The following ZNF555 variants were observed in gnomAD, a reference collection of about 807,000 sequenced individuals.
ZNF555 encodes zinc finger protein 555.
In ZNF555, 10 loss-of-function variants were observed where a neutral mutation model predicts 14.0. The observed-to-expected ratio is 0.72, with a 90% CI of 0.44 to 1.21. ZNF555 has a LOEUF of 1.21. Among genes scored for constraint, ZNF555 ranks in the 50% most tolerant of loss-of-function variants. The pLI, the probability that ZNF555 is intolerant of heterozygous loss-of-function variation, is 0.00. For missense variants in ZNF555, 747 were observed against 762.0 expected (o/e 0.98, Z 0.23); for synonymous variants, 277 against 262.4 (o/e 1.06, Z -0.54).
At position 2,852,995 on chromosome 19, in the gene ZNF555, G is replaced by A; in HGVS notation, c.930G>A (p.Lys310=). 6.2e-7 allele frequency: 1 copy of A among 1,613,818 alleles called. No individual in the cohort carries two copies. The change falls in exon 4 of 4, where the codon AAG becomes AAA. Residue 310 remains lysine (K), a synonymous_variant. Coordinates refer to ENST00000334241, the MANE Select transcript of ZNF555 (RefSeq NM_152791.5). ...ATATGATTTCACACACTGGAGAGAA[G>A]CCACATAAATGTAAAGAATGTGGGG... ...RRHMISHTGE[K]PHKCKECGEA...
At chr19:2,845,399 T>C (rs890883534) in intron 1 of ZNF555, among the ~76,000 whole-genome samples, 1 of 152,224 alleles carries the variant, frequency 6.6e-6, no homozygotes, top group Non-Finnish European at 1.5e-5. Context: ...GTCTTTGCTA[T>C]TGTGAATGCT....
At position 2,854,056 on chromosome 19, in the gene ZNF555, C is replaced by G; in HGVS notation, c.*104C>G. On this transcript the variant is annotated 3_prime_UTR_variant, in exon 4 of 4. Transcript: ENST00000334241. The stretch of plus-strand genomic sequence containing the variant: ...TCTCCAAATACTCTCAGCTATCCTA[C>G]ATGAATTTGAACAGGTAGTTTCTTA... The G allele has an allele frequency of 7.1e-7, 1 of 1,413,822 alleles. No homozygotes were observed. Among genetic ancestry groups the G allele is most frequent in the South Asian group, 1.3e-5 (1 of 74,082 alleles). 87.6% of individuals were successfully genotyped at this position (1,413,822 alleles called of 1,614,324 possible).
Position 2,858,498 on chromosome 19 carries a change from T to C in ZNF555, c.*4546T>C, listed in dbSNP as rs1266049311. 6.6e-6 allele frequency: 1 copy of C among 152,186 alleles called. No homozygotes were observed. Among genetic ancestry groups the C allele is most frequent in the Non-Finnish European group, 1.5e-5 (1 of 68,024 alleles). 9.4% of individuals were successfully genotyped at this position (152,186 alleles called of 1,614,324 possible). On this transcript the variant is annotated 3_prime_UTR_variant, in exon 4 of 4. Transcript: ENST00000334241. ...TGCCTGGGAGCATCCTGATCCTGTCTTCAGACAAGGGGCATCCGCATCTTG... is the reference window on the plus strand; with the variant it reads ...TGCCTGGGAGCATCCTGATCCTGTCCTCAGACAAGGGGCATCCGCATCTTG...
intron 1 of ZNF555, among the ~76,000 whole-genome samples, chr19:2,848,201 G>T (rs960447765): frequency 2.0e-5 from 3 of 151,514 alleles, no homozygotes; most frequent in Admixed American, 6.6e-5. Flanking sequence ...GCCCAGGCTG[G>T]AGTGCAGTGG....
chr19:2,844,921 C>G (rs568681888), intron 1 of ZNF555, among the ~76,000 whole-genome samples: 3 of 152,300 alleles, frequency 2.0e-5, no homozygotes, highest in African/African-American at 7.2e-5. Flanking sequence ...GGCTCCTGGA[C>G]TTAGCCAGGT....
intron 1 of ZNF555, among the ~76,000 whole-genome samples, chr19:2,842,765 G>T (rs1435405664): frequency 5.9e-5 from 9 of 152,170 alleles, no homozygotes; most frequent in Admixed American, 5.9e-4. Flanking sequence ...TTTCCAGGCC[G>T]GGCGCGGTGG....
chr19:2,844,096 TTC>T (rs1568341441), intron 1 of ZNF555, among the ~76,000 whole-genome samples: 3 of 137,180 alleles, frequency 2.2e-5, no homozygotes, highest in African/African-American at 2.8e-5. Flanking sequence ...TCTCTCTCTT[TTC>T]TTTTTTTTTT....
rs1411984431 is a variant in ZNF555 at position 2,854,361 on chromosome 19, T to C, written c.*409T>C. On this transcript the variant is annotated 3_prime_UTR_variant, in exon 4 of 4. Transcript: ENST00000334241. ...GTTGTTTAAGGAGTATAGCCTCAAA[T>C]GAATTGTAATTTTTAATGTTTGCCC... The C allele has an allele frequency of 1.1e-5, 2 of 183,792 alleles. No homozygotes were observed. The highest frequency in any genetic ancestry group is 2.3e-5 in the Non-Finnish European group (2 of 87,340). The allele number at this position is 183,792 out of a possible 1,614,324, so 11.4% of individuals were successfully genotyped here.
chr19:2,849,159 C>G (rs983979944), intron 1 of ZNF555, among the ~76,000 whole-genome samples: 1 of 151,954 alleles, frequency 6.6e-6, no homozygotes, highest in East Asian at 1.9e-4. Flanking sequence ...TGCTGCGTGA[C>G]AGTATTTTGT....
chr19:2,842,404 C>T (rs2087545454), intron 1 of ZNF555, among the ~76,000 whole-genome samples: 1 of 152,202 alleles, frequency 6.6e-6, no homozygotes, highest in Non-Finnish European at 1.5e-5. Context: ...AAAGCAAACG[C>T]ACGCAGACCC....
chr19:2,846,374 G>T (rs1347885561), intron 1 of ZNF555, among the ~76,000 whole-genome samples: 3 of 152,178 alleles, frequency 2.0e-5, no homozygotes, highest in Non-Finnish European at 4.4e-5. Flanking sequence ...TCACAGCTCT[G>T]AATCAGACAG....
intron 1 of ZNF555, among the ~76,000 whole-genome samples, chr19:2,846,497 C>G (rs750334914): frequency 6.6e-6 from 1 of 152,246 alleles, no homozygotes; most frequent in Non-Finnish European, 1.5e-5. Context: ...GAGTGTCTAA[C>G]TCTGCAGTGT....
At chr19:2,852,020 G>T (rs1015829551) in intron 3 of ZNF555, among the ~76,000 whole-genome samples, 3 of 151,976 alleles carry the variant, frequency 2.0e-5, no homozygotes, top group African/African-American at 7.2e-5. Context: ...GCATGGTGCC[G>T]CAGGCCTGTA....
At chr19:2,842,542 A>G (rs35082954) in intron 1 of ZNF555, among the ~76,000 whole-genome samples, 104,728 of 152,066 alleles carry the variant, frequency 0.69, 37,006 homozygotes, top group East Asian at 1. Flanking sequence ...GTGGATTTGA[A>G]GACGTTTCTC....
chr19:2,851,326 G>T, intron 2 of ZNF555, 142 bp from the exon 3 acceptor site: 2 of 556,966 alleles, frequency 3.6e-6, no homozygotes, highest in Non-Finnish European at 5.8e-6. Context: ...ATTTTTCTAT[G>T]CTTACTAATA....
At chr19:2,842,099 G>T (rs920039384) in intron 1 of ZNF555, among the ~76,000 whole-genome samples, 3 of 152,094 alleles carry the variant, frequency 2.0e-5, no homozygotes, top group Non-Finnish European at 4.4e-5. Context: ...GAGGCCCCGC[G>T]CCTCCGGCCG....
intron 1 of ZNF555, among the ~76,000 whole-genome samples, chr19:2,842,185 C>T (rs1271734675): frequency 6.6e-6 from 1 of 152,108 alleles, no homozygotes; most frequent in African/African-American, 2.4e-5. Context: ...GGAGACGCCC[C>T]CACCTGCAAA....
At position 2,853,391 on chromosome 19, in the gene ZNF555, TATG is replaced by T; in HGVS notation, c.1328_1330del (p.Met443del). On this transcript the variant is annotated inframe_deletion, in exon 4 of 4. Transcript: ENST00000334241. ...ATTGGCCCATATCTTTACGAAAACA[TATG>T]AGAACACATACTAGAGAGAAACCCT... 1 of 1,613,966 alleles carries T rather than the reference TATG, an allele frequency of 6.2e-7. No homozygotes were observed. Among genetic ancestry groups the T allele is most frequent in the East Asian group, 2.2e-5 (1 of 44,874 alleles).
Position 2,852,932 on chromosome 19 carries a change from T to G in ZNF555, c.867T>G (p.Cys289Trp). Residue 289 changes from cysteine to tryptophan, a missense_variant, in exon 4 of 4, where the codon TGT becomes TGG. Physicochemically the swap from Cys to Trp is radical, Grantham distance 215. Coordinates refer to ENST00000334241, the MANE Select transcript of ZNF555 (RefSeq NM_152791.5). ...AGAAGCCATATAAATGTAAGGAATG[T>G]GCGGAAGCCTTTAGTTATTCCTCAA... ...TGEKPYKCKE[C>W]AEAFSYSSTF... is the part of the protein sequence containing the mutation. 6.2e-7 allele frequency: 1 copy of G among 1,614,254 alleles called. No homozygotes were observed. The highest frequency in any genetic ancestry group is 8.5e-7 in the Non-Finnish European group (1 of 1,180,042).
Sources: gnomAD v4.1 joint callset for allele counts (sites outside exome capture counted in the v4.1 genomes callset) on GRCh38, gnomAD v4.1.1 for gene constraint, MANE v1.5 for transcripts, NCBI Gene and HGNC (gene_info 2026-07-23, HGNC 2026-07-21) for gene names.